CSMD1: variants seen among roughly 807,000 people sequenced by gnomAD.
CSMD1 encodes CUB and sushi domain-containing protein 1.
CSMD1 carries 213 observed loss-of-function variants against 417.5 expected under a neutral mutation model. The observed-to-expected ratio is 0.51, with a 90% CI of 0.46 to 0.57. The LOEUF is 0.57. Among genes scored for constraint, CSMD1 ranks in the 20% least tolerant of loss-of-function variants. The pLI is 0.00. For missense variants in CSMD1, 6,923 were observed against 4,529.7 expected (o/e 1.53, Z -15.17); for synonymous variants, 2,862 against 1,736.8 (o/e 1.65, Z -16.11).
intron 19 of CSMD1, 132 bp from the exon 20 acceptor site, chr8:3,367,379 A>C: frequency 1.6e-6 from 1 of 632,384 alleles, no homozygotes; most frequent in Non-Finnish European, 2.8e-6. Flanking sequence ...AGAAAATAAG[A>C]GGGGAAGACA....
At chr8:3,861,005 G>C (rs1804664201) in intron 5 of CSMD1, among the ~76,000 whole-genome samples, 2 of 152,206 alleles carry the variant, frequency 1.3e-5, no homozygotes, top group East Asian at 1.9e-4. Context: ...AAGTATGACA[G>C]ATATGTAAGT....
intron 3 of CSMD1, among the ~76,000 whole-genome samples, chr8:4,375,647 G>C (rs962557217): frequency 2.0e-5 from 3 of 152,254 alleles, no homozygotes; most frequent in African/African-American, 7.2e-5. Context: ...GATGGTCGCG[G>C]CTGGTGGAAG....
chr8:3,974,310 A>G (rs796543722), intron 5 of CSMD1, among the ~76,000 whole-genome samples: 12 of 151,308 alleles, frequency 7.9e-5, no homozygotes, highest in South Asian at 6.2e-4. Flanking sequence ...TTGATTTTTT[A>G]TTCCTTTTGC....
At chr8:4,826,639 G>A (rs972023985) in intron 1 of CSMD1, among the ~76,000 whole-genome samples, 1 of 152,076 alleles carries the variant, frequency 6.6e-6, no homozygotes, top group Non-Finnish European at 1.5e-5. Flanking sequence ...ATTGCTGCAG[G>A]CACTTGCACC....
intron 6 of CSMD1, among the ~76,000 whole-genome samples, chr8:3,736,938 G>C (rs902591935): frequency 2.0e-5 from 3 of 152,122 alleles, no homozygotes; most frequent in Admixed American, 6.5e-5. Flanking sequence ...TCTGGGTAAG[G>C]TTTCTCCCTG....
intron 12 of CSMD1, among the ~76,000 whole-genome samples, chr8:3,420,265 C>A (rs963153145): frequency 6.6e-6 from 1 of 152,002 alleles, no homozygotes; most frequent in Admixed American, 6.6e-5. Flanking sequence ...ATAAATACAA[C>A]CTGAGGAATA....
chr8:4,446,388 A>C (rs980056932), intron 2 of CSMD1, among the ~76,000 whole-genome samples: 6 of 152,030 alleles, frequency 3.9e-5, no homozygotes, highest in African/African-American at 1.2e-4. Flanking sequence ...ACTCCATAAA[A>C]ACAAACAAAA....
chr8:4,469,469 C>G (rs552657582), intron 2 of CSMD1, among the ~76,000 whole-genome samples: 2 of 152,292 alleles, frequency 1.3e-5, no homozygotes, highest in South Asian at 2.1e-4. Context: ...TTTAGAGAAC[C>G]AATTCAGATC....
Position 4,041,705 on chromosome 8 carries a change from A to G in CSMD1, c.416-9606T>C, listed in dbSNP as rs184560521. Among the ~76,000 whole-genome samples the G allele has an allele frequency of 2.6e-5, 4 of 152,320 alleles. No homozygotes were observed. The East Asian group carries it at 7.7e-4, about 29-fold the overall frequency. The stretch of plus-strand genomic sequence containing the variant: ...ACAGAATTTTCAATCAGTGAACACC[A>G]ACATTAAAACTGTTATTAGAACTGT... On this transcript the variant is annotated intron_variant, in intron 3 of 69. Transcript: ENST00000635120.
chr8:4,564,854 G>T (rs1229520596), intron 2 of CSMD1, among the ~76,000 whole-genome samples: 3 of 152,166 alleles, frequency 2.0e-5, no homozygotes, highest in Admixed American at 1.3e-4. Context: ...TTACTTTGCT[G>T]CTTACTATTT....
intron 7 of CSMD1, among the ~76,000 whole-genome samples, chr8:3,668,225 G>A (rs953601752): frequency 8.5e-5 from 13 of 152,090 alleles, no homozygotes; most frequent in African/African-American, 2.4e-4. Context: ...ACTGACATCC[G>A]TCCACCACTG....
chr8:4,310,671 G>T (rs540597808), intron 3 of CSMD1, among the ~76,000 whole-genome samples: 5 of 152,152 alleles, frequency 3.3e-5, no homozygotes, highest in African/African-American at 1.2e-4. Context: ...ATTTAGGGGT[G>T]GCAAAACAAA....
At chr8:4,355,814 G>C (rs1340054658) in intron 3 of CSMD1, among the ~76,000 whole-genome samples, 1 of 152,218 alleles carries the variant, frequency 6.6e-6, no homozygotes, top group Non-Finnish European at 1.5e-5. Flanking sequence ...CTGTTTGGAA[G>C]TGAAGATTTC....
intron 6 of CSMD1, among the ~76,000 whole-genome samples, chr8:3,714,550 C>T (rs1273730333): frequency 9.7e-5 from 1 of 10,286 alleles, no homozygotes; most frequent in South Asian, 3.1e-3. Flanking sequence ...GGCGAAACCC[C>T]ATCTCTATCC....
intron 12 of CSMD1, among the ~76,000 whole-genome samples, chr8:3,459,849 C>T (rs937999320): frequency 3.3e-5 from 5 of 151,968 alleles, no homozygotes; most frequent in South Asian, 2.1e-4. Flanking sequence ...ATTCCTCAAA[C>T]GTATAAAAAC....
chr8:4,469,713 G>C (rs1450914805), intron 2 of CSMD1, among the ~76,000 whole-genome samples: 2 of 151,996 alleles, frequency 1.3e-5, no homozygotes, highest in Non-Finnish European at 1.5e-5. Flanking sequence ...CACCACTTTT[G>C]CCCTTGTCCC....
intron 1 of CSMD1, among the ~76,000 whole-genome samples, chr8:4,711,099 T>C (rs1382704916): frequency 6.6e-6 from 1 of 151,206 alleles, no homozygotes; most frequent in East Asian, 2.0e-4. Flanking sequence ...CTTATGTAAA[T>C]AGCAAATTAT....
At chr8:4,121,533 A>G (rs1802486742) in intron 3 of CSMD1, among the ~76,000 whole-genome samples, 1 of 152,226 alleles carries the variant, frequency 6.6e-6, no homozygotes. Context: ...AGATTTGTTA[A>G]TAGAAGTGAA....
At chr8:4,152,940 C>T (rs1310445723) in intron 3 of CSMD1, among the ~76,000 whole-genome samples, 1 of 152,098 alleles carries the variant, frequency 6.6e-6, no homozygotes, top group Admixed American at 6.6e-5. Flanking sequence ...ATCCTCTTCT[C>T]AAAATCTTAG....
Sources: allele counts gnomAD v4.1 joint callset (sites outside exome capture counted in the v4.1 genomes callset), GRCh38; gene constraint gnomAD v4.1.1; transcripts MANE v1.5; gene names NCBI Gene and HGNC (gene_info 2026-07-23, HGNC 2026-07-21).